ALG12: variants seen among roughly 807,000 people sequenced by gnomAD.
ALG12 encodes the protein ALG12 alpha-1,6-mannosyltransferase, also known as dol-P-Man:Man(7)GlcNAc(2)-PP-Dol alpha-1,6-mannosyltransferase.
Under a neutral mutation model 46.0 loss-of-function variants are expected in ALG12, and 36 were observed. That is an observed-to-expected ratio of 0.78 (90% CI 0.60 to 1.03). The LOEUF (loss-of-function observed/expected upper bound fraction) is 1.03. Among genes scored for constraint, ALG12 ranks in the 50% least tolerant of loss-of-function variants. ALG12 has a pLI of 0.00. For missense variants in ALG12, 599 were observed against 633.5 expected (o/e 0.95, Z 0.58); for synonymous variants, 326 against 291.6 (o/e 1.12, Z -1.20).
rs757192069 is a variant in ALG12, at chr22:49,903,980, G to T, written c.1325C>A (p.Ala442Asp). 1 of 1,614,202 alleles carries T rather than the reference G, an allele frequency of 6.2e-7. No individual in the cohort carries two copies. The highest frequency in any genetic ancestry group is 1.1e-5 in the South Asian group (1 of 91,086). The change falls in exon 10 of 10, where the codon GCC becomes GAC. Residue 442 changes from alanine (A) to aspartate (D), a missense_variant. By Grantham distance (126) the Ala-to-Asp change is moderately radical. Coordinates refer to ENST00000330817, the MANE Select transcript of ALG12 (RefSeq NM_024105.4). ...ILMEAAPGLL[A>D]LYRDTHRVLA... ...GACCCGGTGTGTGTCCCTGTAGAGG[G>T]CCAGGAGCCCAGGGGCCGCCTCCAT...
At chr22:49,864,971 G>A in the ALG12 span, among the ~76,000 whole-genome samples, 2 of 97,996 alleles carry the variant, frequency 2.0e-5, no homozygotes, top group East Asian at 6.9e-4. Flanking sequence ...AGAAACCACG[G>A]AGTCCAGCTA....
At position 49,907,958 on chromosome 22, in the gene ALG12, T is replaced by G; in HGVS notation, c.769-14A>C. 2 of 1,610,142 alleles carry G rather than the reference T, an allele frequency of 1.2e-6. No homozygotes were observed. Among genetic ancestry groups the G allele is most frequent in the Non-Finnish European group, 1.7e-6 (2 of 1,179,598 alleles). On this transcript the variant is annotated splice_polypyrimidine_tract_variant and intron_variant, in intron 6 of 9. Coordinates refer to ENST00000330817, the MANE Select transcript of ALG12 (RefSeq NM_024105.4). Reference sequence around the variant, plus strand: ...CAGCGGGGAGGTCTGCGGGCTGGGTTAAGGAGGCCACGCACCTGTCCACGC... The same window carrying G: ...CAGCGGGGAGGTCTGCGGGCTGGGTGAAGGAGGCCACGCACCTGTCCACGC...
At chr22:49,898,012 G>C (rs1037605876), downstream of ALG12, among the ~76,000 whole-genome samples, 1 of 151,516 alleles carries the variant, frequency 6.6e-6, no homozygotes, top group African/African-American at 2.4e-5. Context: ...GTATATATTG[G>C]ATACCAGTTC....
chr22:49,916,839 G>C (rs1320202063), intron 1 of ALG12, among the ~76,000 whole-genome samples: 1 of 152,224 alleles, frequency 6.6e-6, no homozygotes, highest in Non-Finnish European at 1.5e-5. Flanking sequence ...CAAGATGTGG[G>C]AGGTGCACAC....
At chr22:49,913,297 C>T in intron 3 of ALG12, 88 bp downstream of exon 3, 6 of 1,587,104 alleles carry the variant, frequency 3.8e-6, no homozygotes, top group Non-Finnish European at 4.3e-6. Context: ...GACAGCGTTC[C>T]TGGGCAGGAG....
rs1399205078 is a variant in ALG12 at position 49,905,389 on chromosome 22, G to A, written c.993-883C>T. ...GCCCTTTGCTATGGTTTGGATCTGC[G>A]TCCCCACCAAATCTCATGTCCAACT... On this transcript the variant is annotated intron_variant, in intron 7 of 9. Coordinates refer to ENST00000330817, the MANE Select transcript of ALG12 (RefSeq NM_024105.4). The surrounding 1 kb of genome is among the most constrained non-coding windows in gnomAD (Gnocchi z 4.9). Among the ~76,000 whole-genome samples the A allele has an allele frequency of 1.3e-5, 2 of 152,086 alleles. No individual in the cohort carries two copies. The highest frequency in any genetic ancestry group is 2.9e-5 in the Non-Finnish European group (2 of 68,044).
At chr22:49,898,403 T>C (rs559286817), downstream of ALG12, among the ~76,000 whole-genome samples, 3 of 152,166 alleles carry the variant, frequency 2.0e-5, no homozygotes, top group African/African-American at 7.2e-5. Flanking sequence ...TTTTCTTTTT[T>C]TTTTTGAGAT....
At chr22:49,865,170 A>C in the ALG12 span, among the ~76,000 whole-genome samples, 1 of 152,112 alleles carries the variant, frequency 6.6e-6, no homozygotes, top group Admixed American at 6.6e-5. Context: ...CCGAGGCTGC[A>C]ACTCTGCACA....
the ALG12 span, chr22:49,885,778 C>T: frequency 6.2e-7 from 1 of 1,605,720 alleles, no homozygotes; most frequent in Non-Finnish European, 8.5e-7. Flanking sequence ...GACAGCTATC[C>T]CAGGTATGTA....
downstream of ALG12, among the ~76,000 whole-genome samples, chr22:49,895,710 AC>A (rs1798145207): frequency 6.6e-6 from 1 of 152,048 alleles, no homozygotes; most frequent in South Asian, 2.1e-4. Flanking sequence ...TTGAGGGAAG[AC>A]CATTTATGTT....
At chr22:49,878,860 G>A in the ALG12 span, among the ~76,000 whole-genome samples, 1 of 151,868 alleles carries the variant, frequency 6.6e-6, no homozygotes, top group Non-Finnish European at 1.5e-5. Context: ...TGAGCCGGGA[G>A]TGGGCCAGGC....
the ALG12 span, among the ~76,000 whole-genome samples, chr22:49,883,005 T>C: frequency 6.6e-6 from 1 of 152,236 alleles, no homozygotes. Context: ...CAGCTGTGAG[T>C]ACCTCTCATG....
At chr22:49,879,286 C>T in the ALG12 span, among the ~76,000 whole-genome samples, 3 of 150,856 alleles carry the variant, frequency 2.0e-5, no homozygotes, top group East Asian at 2.0e-4. Flanking sequence ...CACCACGCCG[C>T]GCTAATTTTT....
rs747417088 is a variant in ALG12 at position 49,910,058 on chromosome 22, TGCCGCAGCCAGGCCGCGAGG to T, written c.480_499del (p.Leu161ArgfsTer167). The T allele has an allele frequency of 1.9e-6, 3 of 1,612,146 alleles. No homozygotes were observed. The highest frequency in any genetic ancestry group is 2.5e-6 in the Non-Finnish European group (3 of 1,179,514). ...CAGCCAGATGAAGCGGGCCCACTCG[TGCCGCAGCCAGGCCGCGAGG>T]GCCAGCAGGACTGCAAGACAGTGCG... On this transcript the variant is annotated frameshift_variant, in exon 5 of 10. Coordinates refer to ENST00000330817, the MANE Select transcript of ALG12 (RefSeq NM_024105.4). LOFTEE classifies it high-confidence loss of function.
rs1687573175 is a variant in ALG12 at position 49,909,325 on chromosome 22, A to G, written c.687T>C (p.Ser229=). 1 of 1,614,124 alleles carries G rather than the reference A, an allele frequency of 6.2e-7. No homozygotes were observed. The highest frequency in any genetic ancestry group is 8.5e-7 in the Non-Finnish European group (1 of 1,180,044). The part of the protein sequence containing the change: ...LCLGLTVAVD[S]YFWRQLTWPE... ...GCCAAGTGAGCTGCCGCCAAAAATA[A>G]GAGTCCACAGCAACCGTCAGTCCTG... The change falls in exon 6 of 10, where the codon TCT becomes TCC. Residue 229 remains serine, a synonymous_variant. Transcript: ENST00000330817.
At position 49,910,594 on chromosome 22, in the gene ALG12, A is replaced by T; in HGVS notation, c.309T>A (p.Leu103=). Residue 103 remains leucine, a synonymous_variant, in exon 4 of 10, where the codon CTT becomes CTA. Transcript: ENST00000330817. Reference sequence around the variant, plus strand: ...AGAGTCCAAAAATCACGCCGAGTCCAAGCACTCCTCTAACTAAACAAAGAC... The same window carrying T: ...AGAGTCCAAAAATCACGCCGAGTCCTAGCACTCCTCTAACTAAACAAAGAC... The part of the protein sequence containing the change: ...FYSQLIVRGV[L]GLGVIFGLWT... 1 of 1,614,140 alleles carries T rather than the reference A, an allele frequency of 6.2e-7. No individual in the cohort carries two copies. The highest frequency in any genetic ancestry group is 1.3e-5 in the African/African-American group (1 of 75,070).
the ALG12 span, among the ~76,000 whole-genome samples, chr22:49,860,451 T>C: frequency 6.6e-6 from 1 of 152,242 alleles, no homozygotes; most frequent in Non-Finnish European, 1.5e-5. Context: ...AGAATTACAA[T>C]ACCACTCCTG....
chr22:49,886,897 A>G, the ALG12 span: 9 of 1,614,062 alleles, frequency 5.6e-6, no homozygotes, highest in Non-Finnish European at 7.6e-6. This position sits in a 1 kb window ranked among gnomAD's most constrained non-coding sequence, Gnocchi z 7.7. Context: ...CCCAAGAGAA[A>G]AGCTGCCTGA....
At position 49,901,544 on chromosome 22, in the gene ALG12, T is replaced by G. The variant is rs1443623222; in HGVS notation, c.*2294A>C. On this transcript the variant is annotated 3_prime_UTR_variant, in exon 10 of 10. Transcript: ENST00000330817. ...TGTGTATGCATGGTGTGTGCACGTG[T>G]GCATTGTGTGTGCACGATTGCATTG... 6.6e-6 allele frequency: 1 copy of G among 151,630 alleles called. No individual in the cohort carries two copies. The highest frequency in any genetic ancestry group is 1.5e-5 in the Non-Finnish European group (1 of 68,084). 9.4% of individuals were successfully genotyped at this position (151,630 alleles called of 1,614,324 possible).
Sources: allele counts gnomAD v4.1 joint callset (sites outside exome capture counted in the v4.1 genomes callset), GRCh38; gene constraint gnomAD v4.1.1; non-coding constraint Gnocchi (gnomAD v3.1); transcripts MANE v1.5; gene names NCBI Gene and HGNC (gene_info 2026-07-23, HGNC 2026-07-21).